CSMD2: variants seen among roughly 807,000 people sequenced by gnomAD.
CSMD2 encodes CUB and Sushi multiple domains 2, also known as CUB and sushi domain-containing protein 2.
A neutral mutation model predicts 398.5 loss-of-function variants in CSMD2; 130 were observed. The ratio of observed to expected loss-of-function variants is 0.33; its 90% CI spans 0.28 to 0.38. CSMD2 has a LOEUF of 0.38. Ranked by LOEUF, CSMD2 falls within the 10% of genes least tolerant of loss-of-function variation. The pLI is 1.00. For synonymous variants in CSMD2, 1,828 were observed against 1,908.5 expected, an observed-to-expected ratio of 0.96 and a Z score of 1.10; for missense variants, 3,829 against 4,764.9, an observed-to-expected ratio of 0.80 and a Z score of 5.78.
intron 10 of CSMD2, among the ~76,000 whole-genome samples, chr1:33,795,313 T>C (rs1654826644): frequency 1.3e-5 from 2 of 152,214 alleles, no homozygotes; most frequent in African/African-American, 4.8e-5. Context: ...CTATCCAGAA[T>C]GTTCCCTGTT....
Position 33,724,287 on chromosome 1 carries a change from A to C in CSMD2, c.2911T>G (p.Ser971Ala). The C allele has an allele frequency of 6.2e-7, 1 of 1,613,950 alleles. No homozygotes were observed. Among genetic ancestry groups the C allele is most frequent in the Non-Finnish European group, 8.5e-7 (1 of 1,179,902 alleles). Residue 971 changes from serine (S) to alanine (A), a missense_variant, in exon 19 of 71, where the codon TCC becomes GCC. By Grantham distance (99) the Ser-to-Ala change is moderately conservative (BLOSUM62 1). Coordinates refer to ENST00000373381, the MANE Select transcript of CSMD2 (RefSeq NM_001281956.2). ...CCTGGCGACAAGATGGTCCCACTGG[A>C]GCCTTGAATGAAGCCACCACAGAGA... Reference protein sequence around the residue: ...EALCGGFIQGSSGTILSPGFP... With the variant: ...EALCGGFIQGASGTILSPGFP...
intron 66 of CSMD2, among the ~76,000 whole-genome samples, chr1:33,523,697 GA>G (rs1253679395): frequency 6.6e-6 from 1 of 152,210 alleles, no homozygotes; most frequent in East Asian, 1.9e-4. Context: ...GCATGTGTGA[GA>G]ATATGATTTT....
Position 33,580,761 on chromosome 1 carries a change from C to T in CSMD2, c.7379G>A (p.Arg2460His), listed in dbSNP as rs773544978. The T allele has an allele frequency of 9.9e-6, 16 of 1,614,052 alleles. No individual in the cohort carries two copies. The Admixed American group carries it at 1.0e-4, about 10-fold the overall frequency. The change falls in exon 48 of 71, where the codon CGC becomes CAC. Residue 2460 changes from arginine (R) to histidine (H), a missense_variant. Arg to His is a conservative substitution (Grantham distance 29). Transcript: ENST00000373381. Reference protein sequence around the residue: ...HAYNRKGFKIRYSAPYCSLPR... With the variant: ...HAYNRKGFKIHYSAPYCSLPR... ...GTGTTTTTTTCACTCACCTGAATAG[C>T]GGATCTTGAAGCCCTTCCGATTGTA...
At chr1:34,054,143 T>G (rs149369644) in intron 2 of CSMD2, among the ~76,000 whole-genome samples, 549 of 152,326 alleles carry the variant, frequency 3.6e-3, no homozygotes, top group African/African-American at 0.013. Context: ...TTAACTAAGC[T>G]GTAGACTTTA....
intron 41 of CSMD2, among the ~76,000 whole-genome samples, chr1:33,607,094 TTAA>T (rs1324006457): frequency 2.6e-5 from 4 of 152,196 alleles, no homozygotes; most frequent in Non-Finnish European, 5.9e-5. Flanking sequence ...TTTTAAAACA[TTAA>T]TAATGATGAT....
Position 33,897,178 on chromosome 1 carries a change from C to T in CSMD2, c.920+20916G>A, listed in dbSNP as rs55723682. Among the ~76,000 whole-genome samples the T allele has an allele frequency of 2.8e-3, 433 of 152,286 alleles. 3 individuals are homozygous for T. The highest frequency in any genetic ancestry group is 0.01 in the African/African-American group (417 of 41,552). On this transcript the variant is annotated intron_variant, in intron 5 of 70. Transcript: ENST00000373381. ...CCAGGACAGGCAGACAGGTGAGGAA[C>T]ACCACATGAAGTAGGGTTTATGTGG... is the stretch of plus-strand genomic sequence containing the variant.
chr1:34,154,885 G>T (rs571089930), intron 1 of CSMD2, among the ~76,000 whole-genome samples: 1 of 151,970 alleles, frequency 6.6e-6, no homozygotes, highest in Non-Finnish European at 1.5e-5. Flanking sequence ...ACACCACCAC[G>T]CCTGGCTAAT....
At chr1:34,103,436 C>T (rs565303717) in intron 1 of CSMD2, among the ~76,000 whole-genome samples, 140 of 151,952 alleles carry the variant, frequency 9.2e-4, no homozygotes, top group Non-Finnish European at 1.2e-3. Flanking sequence ...GTAGCTGGGA[C>T]TACCGGCACC....
intron 5 of CSMD2, among the ~76,000 whole-genome samples, chr1:33,850,911 T>C (rs911559501): frequency 1.3e-4 from 20 of 152,168 alleles, no homozygotes; most frequent in African/African-American, 4.6e-4. Flanking sequence ...AGCCATTCCC[T>C]TCATGAAGAA....
chr1:34,034,519 C>T (rs1650870719), intron 2 of CSMD2, among the ~76,000 whole-genome samples: 1 of 152,070 alleles, frequency 6.6e-6, no homozygotes, highest in Non-Finnish European at 1.5e-5. Flanking sequence ...ATGATATCGC[C>T]AGATAGATAT....
Position 33,614,540 on chromosome 1 carries a change from C to G in CSMD2, c.6097G>C (p.Asp2033His). Residue 2033 changes from aspartate (D) to histidine (H), a missense_variant, in exon 40 of 71, where the codon GAC becomes CAC. This residue lies in a region of CSMD2 where 2,001 missense variants were observed against 2,567.1 expected (regional missense o/e 0.78). Transcript: ENST00000373381. The part of the protein sequence containing the change: ...GFPGNYPSNM[D>H]CSWKIALPVG... ...GGCAGTGCTATTTTCCAGGAGCAGT[C>G]CATGTTACTGGGGTAGTTGCCTGGG... 1 of 1,611,552 alleles carries G rather than the reference C, an allele frequency of 6.2e-7. No individual in the cohort carries two copies.
At chr1:33,953,043 C>T (rs1645057621) in intron 3 of CSMD2, among the ~76,000 whole-genome samples, 1 of 152,234 alleles carries the variant, frequency 6.6e-6, no homozygotes, top group African/African-American at 2.4e-5. Flanking sequence ...ATTCCATCTT[C>T]CCTTCTTGGG....
chr1:34,079,714 A>G (rs1656839363), intron 2 of CSMD2, among the ~76,000 whole-genome samples: 1 of 152,220 alleles, frequency 6.6e-6, no homozygotes, highest in Non-Finnish European at 1.5e-5. Flanking sequence ...AAAGCTAGCT[A>G]GGCAGGATGT....
At chr1:33,530,842 C>T (rs555373757) in intron 64 of CSMD2, among the ~76,000 whole-genome samples, 22 of 152,096 alleles carry the variant, frequency 1.4e-4, no homozygotes, top group Non-Finnish European at 2.1e-4. Flanking sequence ...AAGCCAGGTA[C>T]GGTAAGACAA....
chr1:33,842,170 C>T (rs1311906631), intron 6 of CSMD2, among the ~76,000 whole-genome samples: 5 of 152,178 alleles, frequency 3.3e-5, no homozygotes, highest in Admixed American at 3.3e-4. Flanking sequence ...ACTCCTTCAT[C>T]TCCTTCAACC....
chr1:33,885,984 T>C (rs1332348539), intron 5 of CSMD2, among the ~76,000 whole-genome samples: 2 of 152,152 alleles, frequency 1.3e-5, no homozygotes, highest in African/African-American at 4.8e-5. Flanking sequence ...TTAAAAGGGT[T>C]AAGACAGATT....
chr1:34,098,337 A>C (rs1377331177), intron 1 of CSMD2, among the ~76,000 whole-genome samples: 1 of 145,790 alleles, frequency 6.9e-6, no homozygotes, highest in Non-Finnish European at 1.5e-5. Flanking sequence ...TGGGTGCAGC[A>C]CACCAGCATG....
intron 23 of CSMD2, 152 bp downstream of exon 23, chr1:33,700,365 T>C: frequency 1.4e-6 from 1 of 738,616 alleles, no homozygotes; most frequent in Non-Finnish European, 2.3e-6. Flanking sequence ...CACATTTTGT[T>C]TACCCATGCA....
chr1:33,885,989 CAG>C (rs1215311568), intron 5 of CSMD2, among the ~76,000 whole-genome samples: 1 of 152,044 alleles, frequency 6.6e-6, no homozygotes, highest in Non-Finnish European at 1.5e-5. Flanking sequence ...AGGGTTAAGA[CAG>C]ATTATGCATA....
Sources: gnomAD v4.1 joint callset for allele counts (sites outside exome capture counted in the v4.1 genomes callset) on GRCh38, gnomAD v4.1.1 for gene constraint, gnomAD v4.1.1 regional missense constraint, MANE v1.5 for transcripts, NCBI Gene and HGNC (gene_info 2026-07-23, HGNC 2026-07-21) for gene names.